RFX3: variants seen among roughly 807,000 people sequenced by gnomAD.
The protein encoded by RFX3 is transcription factor RFX3.
In RFX3, 14 loss-of-function variants were observed where a neutral mutation model predicts 98.6. The ratio of observed to expected loss-of-function variants is 0.14; its 90% CI spans 0.09 to 0.22. The LOEUF (loss-of-function observed/expected upper bound fraction) is 0.22, where lower values mean the gene tolerates loss of function less well. Among genes scored for constraint, RFX3 ranks in the 10% least tolerant of loss-of-function variants. RFX3 has a pLI of 1.00. For missense variants in RFX3, 639 were observed against 926.9 expected (o/e 0.69, Z 4.03); for synonymous variants, 383 against 328.4 (o/e 1.17, Z -1.80).
chr9:3,240,199 A>G (rs1783409302), intron 15 of RFX3, among the ~76,000 whole-genome samples: 1 of 152,154 alleles, frequency 6.6e-6, no homozygotes, highest in Non-Finnish European at 1.5e-5. Context: ...ATCAAGACAT[A>G]TTTGTCAAGG....
At chr9:3,365,295 C>CAAAAAAAAAAAAA (rs1177381806) in intron 2 of RFX3, among the ~76,000 whole-genome samples, 1 of 62,498 alleles carries the variant, frequency 1.6e-5, no homozygotes, top group Admixed American at 1.7e-4. Context: ...AGACTCATCT[C>CAAAAAAAAAAAAA]AAAAAAAAAA....
intron 3 of RFX3, among the ~76,000 whole-genome samples, chr9:3,330,768 C>T (rs186949524): frequency 6.2e-4 from 94 of 152,300 alleles, no homozygotes; most frequent in African/African-American, 2.2e-3. Context: ...TGGTGCCTAT[C>T]TCCAGCATAT....
intron 14 of RFX3, among the ~76,000 whole-genome samples, chr9:3,249,352 A>G (rs1247643365): frequency 6.6e-6 from 1 of 152,180 alleles, no homozygotes; most frequent in African/African-American, 2.4e-5. Flanking sequence ...TTGAATTCTG[A>G]TTCTGTCTCT....
intron 2 of RFX3, among the ~76,000 whole-genome samples, chr9:3,383,292 G>C (rs745828910): frequency 6.6e-6 from 1 of 152,062 alleles, no homozygotes; most frequent in Non-Finnish European, 1.5e-5. Context: ...TATATCCTGG[G>C]TGCTCTTCTT....
intron 2 of RFX3, among the ~76,000 whole-genome samples, chr9:3,349,786 A>C (rs1165221416): frequency 1.3e-5 from 2 of 152,122 alleles, no homozygotes; most frequent in Non-Finnish European, 2.9e-5. Flanking sequence ...TCTTAAACTT[A>C]ACAATATAGA....
chr9:3,416,091 G>C (rs551955889), intron 1 of RFX3, among the ~76,000 whole-genome samples: 1 of 152,300 alleles, frequency 6.6e-6, no homozygotes, highest in South Asian at 2.1e-4. Context: ...TAAAATAAGA[G>C]CACTTACTTG....
intron 15 of RFX3, chr9:3,247,509 C>A: frequency 1.3e-6 from 1 of 776,486 alleles, no homozygotes. Flanking sequence ...CAAAGACTTG[C>A]ATTAAGTGCT....
intron 15 of RFX3, among the ~76,000 whole-genome samples, chr9:3,236,980 C>G (rs1048212669): frequency 2.0e-5 from 3 of 152,198 alleles, no homozygotes; most frequent in African/African-American, 4.8e-5. Context: ...ATAAACTTTT[C>G]TGAAATAGTT....
intron 4 of RFX3, among the ~76,000 whole-genome samples, chr9:3,325,632 A>C (rs556826245): frequency 4.4e-4 from 67 of 152,188 alleles, no homozygotes; most frequent in African/African-American, 1.6e-3. Flanking sequence ...TAATTATAAG[A>C]ATAAAAATAT....
At chr9:3,352,543 C>CTGCACCTTACACATTA (rs1835269917) in intron 2 of RFX3, among the ~76,000 whole-genome samples, 1 of 152,036 alleles carries the variant, frequency 6.6e-6, no homozygotes. Context: ...TTAAACTTCT[C>CTGCACCTTACACATTA]TGCACCTTAC....
intron 4 of RFX3, among the ~76,000 whole-genome samples, chr9:3,308,544 A>G (rs1409012610): frequency 1.3e-5 from 2 of 152,102 alleles, no homozygotes; most frequent in African/African-American, 4.8e-5. Context: ...CACATAATAA[A>G]CTTCCACATT....
At chr9:3,424,007 C>T (rs968019812) in intron 1 of RFX3, among the ~76,000 whole-genome samples, 2 of 151,216 alleles carry the variant, frequency 1.3e-5, no homozygotes, top group African/African-American at 4.9e-5. Flanking sequence ...ATTAGCCGGG[C>T]GTGGTGGCAG....
chr9:3,242,174 A>G (rs1820019693), intron 15 of RFX3, among the ~76,000 whole-genome samples: 1 of 152,198 alleles, frequency 6.6e-6, no homozygotes, highest in African/African-American at 2.4e-5. Context: ...GCAACTTTCA[A>G]TTTCTCTTTT....
chr9:3,396,284 T>A (rs1272925337), intron 1 of RFX3, among the ~76,000 whole-genome samples: 1 of 151,926 alleles, frequency 6.6e-6, no homozygotes, highest in African/African-American at 2.4e-5. Context: ...AGTGAGAACA[T>A]GCGGTGTTTG....
At chr9:3,250,693 G>C (rs1821276417) in intron 14 of RFX3, among the ~76,000 whole-genome samples, 1 of 151,926 alleles carries the variant, frequency 6.6e-6, no homozygotes, top group Non-Finnish European at 1.5e-5. Flanking sequence ...TCATTAAAAA[G>C]ATAATCTAGT....
intron 1 of RFX3, among the ~76,000 whole-genome samples, chr9:3,424,369 T>G (rs1250822608): frequency 8.8e-6 from 1 of 114,082 alleles, no homozygotes; most frequent in Non-Finnish European, 1.9e-5. Flanking sequence ...TTTTTTTTTT[T>G]TTTTTTTTTT....
chr9:3,475,836 C>T (rs1490741297), intron 1 of RFX3, among the ~76,000 whole-genome samples: 1 of 152,154 alleles, frequency 6.6e-6, no homozygotes, highest in African/African-American at 2.4e-5. Flanking sequence ...AGTGTCTTCT[C>T]TAAACTCCCC....
chr9:3,412,756 C>G (rs1016792860), intron 1 of RFX3, among the ~76,000 whole-genome samples: 1 of 152,074 alleles, frequency 6.6e-6, no homozygotes, highest in East Asian at 1.9e-4. Flanking sequence ...AAACTTATAA[C>G]TAGCTTTGAA....
At chr9:3,284,042 A>G (rs1168430773) in intron 7 of RFX3, among the ~76,000 whole-genome samples, 1 of 151,704 alleles carries the variant, frequency 6.6e-6, no homozygotes, top group Admixed American at 6.6e-5. Context: ...CTAACATTCT[A>G]TGATTCTGTG....
Sources: allele counts gnomAD v4.1 joint callset (sites outside exome capture counted in the v4.1 genomes callset), GRCh38; gene constraint gnomAD v4.1.1; transcripts MANE v1.5; gene names NCBI Gene and HGNC (gene_info 2026-07-23, HGNC 2026-07-21).